Variants in BHLHA15 observed in about 807,000 individuals in gnomAD.
BHLHA15 encodes class A basic helix-loop-helix protein 15.
BHLHA15 carries 7 observed loss-of-function variants against 10.4 expected under a neutral mutation model. The observed-to-expected ratio is 0.67, with a 90% CI of 0.38 to 1.26. The LOEUF (loss-of-function observed/expected upper bound fraction) is 1.26. Ranked by LOEUF, BHLHA15 falls within the 50% of genes most tolerant of loss-of-function variation. The pLI is 0.02. For synonymous variants in BHLHA15, 140 were observed against 131.5 expected (o/e 1.06, Z -0.44); for missense variants, 289 against 287.4 (o/e 1.01, Z -0.04).
chr7:98,212,663 G>A lies in BHLHA15; in HGVS notation c.354G>A (p.Thr118=), dbSNP rs371449443. The part of the protein sequence containing the change: ...DKKLSKIETL[T]LAKNYIKSLT... ...AGCTCTCCAAGATCGAGACGCTCAC[G>A]CTGGCCAAGAACTACATCAAATCGC... Residue 118 remains threonine, a synonymous_variant, in exon 2 of 2, where the codon ACG becomes ACA. Transcript: ENST00000609256. 1.9e-5 allele frequency: 31 copies of A among 1,590,232 alleles called. No individual in the cohort carries two copies. The highest frequency in any genetic ancestry group is 2.5e-5 in the Non-Finnish European group (29 of 1,169,814).
Position 98,212,344 on chromosome 7 carries a change from C to A in BHLHA15, c.35C>A (p.Ala12Asp). Reference protein sequence around the residue: ...KTKNRPPRRRAPVQDTEATPG... With the variant: ...KTKNRPPRRRDPVQDTEATPG... ...AAGAACCGGCCCCCACGGCGCCGGG[C>A]CCCGGTGCAGGACACAGAGGCCACC... Residue 12 changes from alanine to aspartate, a missense_variant, in exon 2 of 2, where the codon GCC becomes GAC. By Grantham distance (126) the Ala-to-Asp change is moderately radical (BLOSUM62 -2). Coordinates refer to ENST00000609256, the MANE Select transcript of BHLHA15 (RefSeq NM_177455.4). 1 of 1,384,838 alleles carries A rather than the reference C, an allele frequency of 7.2e-7. No individual in the cohort carries two copies. The highest frequency in any genetic ancestry group is 9.4e-7 in the Non-Finnish European group (1 of 1,068,880). 85.8% of individuals were successfully genotyped at this position (1,384,838 alleles called of 1,614,324 possible). A position where few individuals can be genotyped will look rare whatever the true frequency, so the allele number is the denominator to read the frequency against.
chr7:98,212,775 C>CA lies in BHLHA15; in HGVS notation c.467dup (p.Gln157AlafsTer118). The stretch of plus-strand genomic sequence containing the variant: ...CAAGCTCTACCAGCACTACCAGCAG[C>CA]AGCAGCAGGTGGCTGGGGGTGCGTT... On this transcript the variant is annotated frameshift_variant, in exon 2 of 2. Transcript: ENST00000609256. LOFTEE classifies it high-confidence loss of function. 3 of 1,549,938 alleles carry CA rather than the reference C, an allele frequency of 1.9e-6. No homozygotes were observed. The highest frequency in any genetic ancestry group is 2.6e-6 in the Non-Finnish European group (3 of 1,148,282).
Position 98,215,067 on chromosome 7 carries a change from G to A in BHLHA15, c.*2188G>A, listed in dbSNP as rs1020994157. ...AGGCCGGATCCTTTTATCCCGTGGG[G>A]AGCCCCTGCCTCGGCCATCGGGATG... On this transcript the variant is annotated 3_prime_UTR_variant, in exon 2 of 2. Coordinates refer to ENST00000609256, the MANE Select transcript of BHLHA15 (RefSeq NM_177455.4). 6 of 152,334 alleles carry A rather than the reference G, an allele frequency of 3.9e-5. No individual in the cohort carries two copies. Among genetic ancestry groups the A allele is most frequent in the African/African-American group, 1.2e-4 (5 of 41,466 alleles). 9.4% of individuals were successfully genotyped at this position (152,334 alleles called of 1,614,324 possible).
Position 98,213,211 on chromosome 7 carries a change from G to A in BHLHA15, c.*332G>A, listed in dbSNP as rs527887101. Among the ~76,000 whole-genome samples the A allele has an allele frequency of 6.6e-6, 1 of 152,294 alleles. No homozygotes were observed. The highest frequency in any genetic ancestry group is 1.5e-5 in the Non-Finnish European group (1 of 68,020). ...AGGCCTCCTTAGCCTTGGAACTAAC[G>A]TCTCTTCACCCTGACTTCTGGGCAA... On this transcript the variant is annotated 3_prime_UTR_variant, in exon 2 of 2. Transcript: ENST00000609256.
Position 98,212,491 on chromosome 7 carries a change from C to T in BHLHA15, c.182C>T (p.Pro61Leu). The T allele has an allele frequency of 6.4e-7, 1 of 1,562,984 alleles. No homozygotes were observed. ...RAPGEGRRRR[P>L]GPSGPGGRRD... Reference sequence around the variant, plus strand: ...CCGGGCGAGGGCAGGCGCAGGCGGCCAGGACCCTCCGGGCCCGGTGGCCGT... The same window carrying T: ...CCGGGCGAGGGCAGGCGCAGGCGGCTAGGACCCTCCGGGCCCGGTGGCCGT... The change falls in exon 2 of 2, where the codon CCA becomes CTA. Residue 61 changes from proline (P) to leucine (L), a missense_variant. Pro to Leu is a moderately conservative substitution (Grantham distance 98). Coordinates refer to ENST00000609256, the MANE Select transcript of BHLHA15 (RefSeq NM_177455.4).
rs1797920876 is a variant in BHLHA15, at chr7:98,212,451, G to A, written c.142G>A (p.Ala48Thr). Residue 48 changes from alanine (A) to threonine (T), a missense_variant, in exon 2 of 2, where the codon GCC (alanine) becomes ACC (threonine). Coordinates refer to ENST00000609256, the MANE Select transcript of BHLHA15 (RefSeq NM_177455.4). ...AKGLRSRPAR[A>T]AARAPGEGRR... ...GGGTCTGCGGAGCCGGCCGGCCCGG[G>A]CCGCAGCAAGGGCTCCGGGCGAGGG... The A allele has an allele frequency of 1.3e-6, 2 of 1,535,534 alleles. No individual in the cohort carries two copies. The highest frequency in any genetic ancestry group is 1.8e-6 in the Non-Finnish European group (2 of 1,140,844).
Position 98,212,394 on chromosome 7 carries a change from T to A in BHLHA15, c.85T>A (p.Ser29Thr). 1 of 1,471,902 alleles carries A rather than the reference T, an allele frequency of 6.8e-7. No individual in the cohort carries two copies. Among genetic ancestry groups the A allele is most frequent in the Non-Finnish European group, 9.0e-7 (1 of 1,113,386 alleles). The allele number at this position is 1,471,902 out of a possible 1,614,324, so 91.2% of individuals were successfully genotyped here. A position where few individuals can be genotyped will look rare whatever the true frequency, so the allele number is the denominator to read the frequency against. ...CCCCGGGGAGGGGACGCCCGACGGG[T>A]CCCTGCCGAACCCGGGGCCAGAGCC... ...ATPGEGTPDG[S>T]LPNPGPEPAK... is the part of the protein sequence containing the mutation. Residue 29 changes from serine (S) to threonine (T), a missense_variant, in exon 2 of 2, where the codon TCC becomes ACC. Coordinates refer to ENST00000609256, the MANE Select transcript of BHLHA15 (RefSeq NM_177455.4).
rs746953998 is a variant in BHLHA15 at position 98,212,629 on chromosome 7, C to T, written c.320C>T (p.Ala107Val). 5 of 1,605,626 alleles carry T rather than the reference C, an allele frequency of 3.1e-6. No individual in the cohort carries two copies. The highest frequency in any genetic ancestry group is 4.5e-5 in the East Asian group (2 of 44,612). ...ALREVIPHVR[A>V]DKKLSKIETL... ...CGTGAAGTCATCCCCCACGTGCGCG[C>T]GGACAAGAAGCTCTCCAAGATCGAG... The change falls in exon 2 of 2, where the codon GCG (alanine) becomes GTG (valine). Residue 107 changes from alanine (A) to valine (V), a missense_variant. Physicochemically the swap from Ala to Val is moderately conservative, Grantham distance 64. Transcript: ENST00000609256.
Position 98,212,727 on chromosome 7 carries a change from C to T in BHLHA15, c.418C>T (p.Pro140Ser). ...CCTGACCATGTCCAGCAGCCGCCTC[C>T]CAGGCCTGGAGGGGCCGGGCCCCAA... ...TILTMSSSRLPGLEGPGPKLY... is the reference protein window; with the variant it reads ...TILTMSSSRLSGLEGPGPKLY... Residue 140 changes from proline (P) to serine (S), a missense_variant, in exon 2 of 2, where the codon CCA becomes TCA. Physicochemically the swap from Pro to Ser is moderately conservative, Grantham distance 74. Transcript: ENST00000609256. The T allele has an allele frequency of 6.4e-7, 1 of 1,560,718 alleles. No individual in the cohort carries two copies. The highest frequency in any genetic ancestry group is 2.4e-5 in the East Asian group (1 of 42,158).
In BHLHA15 at chr7:98,212,768, C is replaced by CCAG. The variant is rs770315736; in HGVS notation, c.472_474dup (p.Gln158dup). 4 of 1,550,536 alleles carry CCAG rather than the reference C, an allele frequency of 2.6e-6. No homozygotes were observed. The South Asian group carries it at 3.6e-5, about 14-fold the overall frequency. On this transcript the variant is annotated inframe_insertion, in exon 2 of 2. Transcript: ENST00000609256. ...CGGGCCCCAAGCTCTACCAGCACTA[C>CCAG]CAGCAGCAGCAGCAGGTGGCTGGGG...
Position 98,212,253 on chromosome 7 carries a change from C to T in BHLHA15, c.-54-3C>T. 7.7e-7 allele frequency: 1 copy of T among 1,305,004 alleles called. No individual in the cohort carries two copies. Among genetic ancestry groups the T allele is most frequent in the Non-Finnish European group, 9.8e-7 (1 of 1,020,272 alleles). 80.8% of individuals were successfully genotyped at this position (1,305,004 alleles called of 1,614,324 possible). On this transcript the variant is annotated splice_polypyrimidine_tract_variant and splice_region_variant and intron_variant, in intron 1 of 1. Coordinates refer to ENST00000609256, the MANE Select transcript of BHLHA15 (RefSeq NM_177455.4). The stretch of plus-strand genomic sequence containing the variant: ...ACAGAGTGTCCTGTGTTCTGGATTT[C>T]AGCTCCAAGGGCCTCACCTTCCTGC...
Position 98,213,111 on chromosome 7 carries a change from A to G in BHLHA15, c.*232A>G, listed in dbSNP as rs1797935337. The G allele has an allele frequency of 3.8e-6, 2 of 523,322 alleles. No individual in the cohort carries two copies. The highest frequency in any genetic ancestry group is 2.8e-5 in the South Asian group (1 of 36,236). The allele number at this position is 523,322 out of a possible 1,614,324, so 32.4% of individuals were successfully genotyped here. A position where few individuals can be genotyped will look rare whatever the true frequency, so the allele number is the denominator to read the frequency against. On this transcript the variant is annotated 3_prime_UTR_variant, in exon 2 of 2. Coordinates refer to ENST00000609256, the MANE Select transcript of BHLHA15 (RefSeq NM_177455.4). Reference sequence around the variant, plus strand: ...GGCTGTGGCCCTGGACAGCGGCGTGAGGCCCAAACCTCTAGGTAGGGCCCA... The same window carrying G: ...GGCTGTGGCCCTGGACAGCGGCGTGGGGCCCAAACCTCTAGGTAGGGCCCA...
chr7:98,212,392 G>A lies in BHLHA15; in HGVS notation c.83G>A (p.Gly28Glu). ...EATPGEGTPD[G>E]SLPNPGPEPA... ...ACCCCCGGGGAGGGGACGCCCGACG[G>A]GTCCCTGCCGAACCCGGGGCCAGAG... The change falls in exon 2 of 2, where the codon GGG (glycine) becomes GAG (glutamate). Residue 28 changes from glycine (G) to glutamate (E), a missense_variant. Gly to Glu is a moderately conservative substitution (Grantham distance 98). Coordinates refer to ENST00000609256, the MANE Select transcript of BHLHA15 (RefSeq NM_177455.4). The A allele has an allele frequency of 6.8e-7, 1 of 1,469,144 alleles. No homozygotes were observed. Among genetic ancestry groups the A allele is most frequent in the East Asian group, 2.8e-5 (1 of 35,250 alleles). 91.0% of individuals were successfully genotyped at this position (1,469,144 alleles called of 1,614,324 possible).
rs750429345 is a variant in BHLHA15 at position 98,214,004 on chromosome 7, C to T, written c.*1125C>T. Among the ~76,000 whole-genome samples the T allele has an allele frequency of 2.0e-5, 3 of 152,142 alleles. No homozygotes were observed. Among genetic ancestry groups the T allele is most frequent in the Non-Finnish European group, 4.4e-5 (3 of 68,016 alleles). On this transcript the variant is annotated 3_prime_UTR_variant, in exon 2 of 2. Transcript: ENST00000609256. ...CCAAGCCCAGCTTCCTTCTGCTGGG[C>T]GTTCCTGCCCCACTGGCTCTGCCGG... is the stretch of plus-strand genomic sequence containing the variant.
chr7:98,213,858 G>C lies in BHLHA15; in HGVS notation c.*979G>C, dbSNP rs929531030. ...ATGACGTGCTTGGGTTCTGGTTTGA[G>C]TTGGCAGCCCGTTGGGTCTCTCTGC... On this transcript the variant is annotated 3_prime_UTR_variant, in exon 2 of 2. Transcript: ENST00000609256. Among the ~76,000 whole-genome samples, 2 of 152,222 alleles carry C rather than the reference G, an allele frequency of 1.3e-5. No homozygotes were observed. The highest frequency in any genetic ancestry group is 4.1e-4 in the South Asian group (2 of 4,828).
In BHLHA15 at chr7:98,213,814, A is replaced by G. The variant is rs1322856962; in HGVS notation, c.*935A>G. Among the ~76,000 whole-genome samples, 3 of 152,214 alleles carry G rather than the reference A, an allele frequency of 2.0e-5. No individual in the cohort carries two copies. Among genetic ancestry groups the G allele is most frequent in the African/African-American group, 7.2e-5 (3 of 41,466 alleles). ...GTGGGGTTATCATATAATTGGCACC[A>G]TGCTGTCTGTAGGACATTATGACGT... On this transcript the variant is annotated 3_prime_UTR_variant, in exon 2 of 2. Coordinates refer to ENST00000609256, the MANE Select transcript of BHLHA15 (RefSeq NM_177455.4).
rs1268675412 is a variant in BHLHA15 at position 98,212,899 on chromosome 7, G to T, written c.*20G>T. On this transcript the variant is annotated 3_prime_UTR_variant, in exon 2 of 2. Coordinates refer to ENST00000609256, the MANE Select transcript of BHLHA15 (RefSeq NM_177455.4). The stretch of plus-strand genomic sequence containing the variant: ...ACCTAGCGCCCAGTCCTGGGTGGGG[G>T]TGGCGGTGGCCGCAGCTGCCTGGCC... The T allele has an allele frequency of 2.0e-6, 3 of 1,510,562 alleles. No individual in the cohort carries two copies. The highest frequency in any genetic ancestry group is 2.6e-6 in the Non-Finnish European group (3 of 1,137,078). 93.6% of individuals were successfully genotyped at this position (1,510,562 alleles called of 1,614,324 possible).
chr7:98,212,530 T>A lies in BHLHA15; in HGVS notation c.221T>A (p.Ile74Asn), dbSNP rs745635384. The A allele has an allele frequency of 1.9e-6, 3 of 1,592,856 alleles. No individual in the cohort carries two copies. The highest frequency in any genetic ancestry group is 1.7e-4 in the Middle Eastern group (1 of 6,038). The change falls in exon 2 of 2, where the codon ATC becomes AAC. Residue 74 changes from isoleucine (I) to asparagine (N), a missense_variant. Physicochemically the swap from Ile to Asn is moderately radical, Grantham distance 149. Coordinates refer to ENST00000609256, the MANE Select transcript of BHLHA15 (RefSeq NM_177455.4). ...SGPGGRRDSS[I>N]QRRLESNERE... ...CCCGGTGGCCGTCGTGACAGCAGCATCCAGCGGCGGCTGGAGAGCAACGAG... is the reference window on the plus strand; with the variant it reads ...CCCGGTGGCCGTCGTGACAGCAGCAACCAGCGGCGGCTGGAGAGCAACGAG...
chr7:98,214,995 CAG>C lies in BHLHA15; in HGVS notation c.*2117_*2118del, dbSNP rs1430510743. ...CCAGTGTTTCGAGGAGGAGAGGGGA[CAG>C]GGGCCAGGTCCACTCCCTTGGCCCT... On this transcript the variant is annotated 3_prime_UTR_variant, in exon 2 of 2. Coordinates refer to ENST00000609256, the MANE Select transcript of BHLHA15 (RefSeq NM_177455.4). 6.6e-6 allele frequency: 1 copy of C among 152,528 alleles called. No individual in the cohort carries two copies. The highest frequency in any genetic ancestry group is 1.9e-4 in the East Asian group (1 of 5,198). 9.4% of individuals were successfully genotyped at this position (152,528 alleles called of 1,614,324 possible). A position where few individuals can be genotyped will look rare whatever the true frequency, so the allele number is the denominator to read the frequency against.
Sources: allele counts gnomAD v4.1 joint callset (sites outside exome capture counted in the v4.1 genomes callset), GRCh38; gene constraint gnomAD v4.1.1; transcripts MANE v1.5; gene names NCBI Gene and HGNC (gene_info 2026-07-23, HGNC 2026-07-21).